SGCD: variants seen among roughly 807,000 people sequenced by gnomAD.
The protein encoded by SGCD is delta-sarcoglycan.
A neutral mutation model predicts 36.6 loss-of-function variants in SGCD; 18 were observed. The ratio of observed to expected loss-of-function variants is 0.49; its 90% CI spans 0.34 to 0.73. The LOEUF is 0.73. Among genes scored for constraint, SGCD ranks in the 30% least tolerant of loss-of-function variants. The probability of loss-of-function intolerance (pLI) is 0.01; values close to 1 mark genes in which losing one functional copy is unlikely to be tolerated. For synonymous variants in SGCD, 133 were observed against 130.6 expected (o/e 1.02, Z -0.12); for missense variants, 387 against 346.7 (o/e 1.12, Z -0.92).
At chr5:156,433,849 C>T (rs1239008288) in intron 3 of SGCD, among the ~76,000 whole-genome samples, 1 of 152,166 alleles carries the variant, frequency 6.6e-6, no homozygotes, top group Admixed American at 6.5e-5. Flanking sequence ...CAAAGTGTCT[C>T]CCCTTGTGGT....
At chr5:156,346,749 T>G (rs1339858132) in intron 3 of SGCD, among the ~76,000 whole-genome samples, 1 of 152,118 alleles carries the variant, frequency 6.6e-6, no homozygotes, top group East Asian at 1.9e-4. Context: ...TGAATTAGAC[T>G]CAATCAATAC....
At chr5:156,428,261 G>A (rs2127785546) in intron 3 of SGCD, among the ~76,000 whole-genome samples, 1 of 152,120 alleles carries the variant, frequency 6.6e-6, no homozygotes, top group South Asian at 2.1e-4. Context: ...CCTGATTTAA[G>A]CTAGGAGGTT....
chr5:156,298,909 A>G (rs557860790), intron 3 of SGCD, among the ~76,000 whole-genome samples: 109 of 152,036 alleles, frequency 7.2e-4, no homozygotes, highest in Non-Finnish European at 1.1e-3. Flanking sequence ...TCTTCACTTT[A>G]TTGATTGTTT....
At chr5:156,412,891 G>A (rs1482713457) in intron 3 of SGCD, among the ~76,000 whole-genome samples, 1 of 150,598 alleles carries the variant, frequency 6.6e-6, no homozygotes, top group African/African-American at 2.5e-5. Context: ...TGCTTCCCGG[G>A]TTCACGCCAT....
At chr5:155,896,744 T>C (rs75490693) in intron 1 of SGCD, among the ~76,000 whole-genome samples, 2,751 of 152,254 alleles carry the variant, frequency 0.018, 98 homozygotes, top group African/African-American at 0.063. Flanking sequence ...TCTCTGGCTC[T>C]CAAGGTTCTG....
rs1275869866 is a variant in SGCD, at chr5:156,765,000, A to G, written c.*5610A>G. 2 of 152,230 alleles carry G rather than the reference A, an allele frequency of 1.3e-5. No homozygotes were observed. Among genetic ancestry groups the G allele is most frequent in the Non-Finnish European group, 2.9e-5 (2 of 68,050 alleles). The allele number at this position is 152,230 out of a possible 1,614,324, so 9.4% of individuals were successfully genotyped here. A position where few individuals can be genotyped will look rare whatever the true frequency, so the allele number is the denominator to read the frequency against. ...GAGTGGGGTTCCAAATGCCTCATTA[A>G]GTATGTGGACAGCCTCACTAGTAAG... is the stretch of plus-strand genomic sequence containing the variant. On this transcript the variant is annotated 3_prime_UTR_variant, in exon 9 of 9. Coordinates refer to ENST00000337851, the MANE Select transcript of SGCD (RefSeq NM_000337.6).
At chr5:156,081,273 G>A (rs1760944945) in intron 1 of SGCD, among the ~76,000 whole-genome samples, 1 of 152,116 alleles carries the variant, frequency 6.6e-6, no homozygotes, top group Non-Finnish European at 1.5e-5. Context: ...ACTATCATGA[G>A]GACAGCACCA....
chr5:155,730,622 C>T, the SGCD span, among the ~76,000 whole-genome samples: 1 of 152,166 alleles, frequency 6.6e-6, no homozygotes, highest in African/African-American at 2.4e-5. Context: ...GCTTTCCCAG[C>T]ACACACTTGG....
At chr5:156,332,669 G>T (rs1393139664) in intron 2 of SGCD, among the ~76,000 whole-genome samples, 1 of 152,202 alleles carries the variant, frequency 6.6e-6, no homozygotes, top group Admixed American at 6.5e-5. Flanking sequence ...TCTCTGTTGA[G>T]CAGAGTCGCA....
the SGCD span, among the ~76,000 whole-genome samples, chr5:155,828,201 GGTTATGCTCTTT>G: frequency 6.6e-6 from 1 of 152,060 alleles, no homozygotes; most frequent in African/African-American, 2.4e-5. Context: ...CTATCTACGG[GGTTATGCTCTTT>G]GTCAGGCATT....
rs138500933 is a variant in SGCD, at chr5:156,667,262, G to A, written c.575+19726G>A. Reference sequence around the variant, plus strand: ...AGAAAGACACATACAAAGAGACAGAGAGACAGACAGACACAAGGAGGAGTG... The same window carrying A: ...AGAAAGACACATACAAAGAGACAGAAAGACAGACAGACACAAGGAGGAGTG... On this transcript the variant is annotated intron_variant, in intron 7 of 8. Transcript: ENST00000337851. Among the ~76,000 whole-genome samples the A allele has an allele frequency of 1.1e-3, 173 of 152,308 alleles. 1 individual carries two copies. The highest frequency in any genetic ancestry group is 3.9e-3 in the African/African-American group (163 of 41,572).
chr5:156,304,600 T>C (rs1308053267), intron 3 of SGCD, among the ~76,000 whole-genome samples: 2 of 152,140 alleles, frequency 1.3e-5, no homozygotes, highest in African/African-American at 4.8e-5. Flanking sequence ...ATACACTAAA[T>C]TGATGCCAGT....
At chr5:155,736,182 A>G in the SGCD span, among the ~76,000 whole-genome samples, 1 of 152,220 alleles carries the variant, frequency 6.6e-6, no homozygotes, top group African/African-American at 2.4e-5. Flanking sequence ...ACAGTAAGAC[A>G]CAGATCATCG....
At chr5:155,820,798 T>G in the SGCD span, among the ~76,000 whole-genome samples, 1 of 152,138 alleles carries the variant, frequency 6.6e-6, no homozygotes, top group East Asian at 1.9e-4. Context: ...CCCTGAACAT[T>G]TATATTCCAA....
intron 3 of SGCD, among the ~76,000 whole-genome samples, chr5:156,193,207 CT>C (rs1370836546): frequency 6.6e-6 from 1 of 152,066 alleles, no homozygotes; most frequent in Non-Finnish European, 1.5e-5. Flanking sequence ...AGCTGGACTC[CT>C]GTGCTTCCAG....
At chr5:156,541,317 A>G (rs1429711298) in intron 4 of SGCD, among the ~76,000 whole-genome samples, 1 of 152,192 alleles carries the variant, frequency 6.6e-6, no homozygotes, top group Non-Finnish European at 1.5e-5. Context: ...TAGATCTTAC[A>G]AAGTTGATTG....
chr5:156,500,465 C>T (rs1756396591), intron 3 of SGCD, among the ~76,000 whole-genome samples: 1 of 152,148 alleles, frequency 6.6e-6, no homozygotes, highest in South Asian at 2.1e-4. Flanking sequence ...TATCTTGAGA[C>T]TTGTTTGTTA....
chr5:156,346,358 G>A (rs1033728152), intron 3 of SGCD, among the ~76,000 whole-genome samples: 17 of 152,128 alleles, frequency 1.1e-4, no homozygotes, highest in Non-Finnish European at 2.2e-4. Flanking sequence ...TAGGACAGTG[G>A]TACGATCATA....
At chr5:156,546,682 A>G (rs547448374) in intron 4 of SGCD, among the ~76,000 whole-genome samples, 1 of 152,328 alleles carries the variant, frequency 6.6e-6, no homozygotes, top group Admixed American at 6.5e-5. Flanking sequence ...TTTTGTGTAG[A>G]CCTTGAAAAT....
Sources: allele counts gnomAD v4.1 joint callset (sites outside exome capture counted in the v4.1 genomes callset), GRCh38; gene constraint gnomAD v4.1.1; transcripts MANE v1.5; gene names NCBI Gene and HGNC (gene_info 2026-07-23, HGNC 2026-07-21).